SAMD5: variants seen among roughly 807,000 people sequenced by gnomAD.
SAMD5 encodes the protein sterile alpha motif domain-containing protein 5.
A neutral mutation model predicts 11.3 loss-of-function variants in SAMD5; 13 were observed. That is an observed-to-expected ratio of 1.15 (90% CI 0.75 to 1.83). The LOEUF is 1.83. Ranked by LOEUF, SAMD5 falls within the 40% of genes most tolerant of loss-of-function variation. SAMD5 has a pLI of 0.00. For synonymous variants in SAMD5, 129 were observed against 111.3 expected, an observed-to-expected ratio of 1.16 and a Z score of -1.00; for missense variants, 255 against 239.1, an observed-to-expected ratio of 1.07 and a Z score of -0.44.
intron 1 of SAMD5, among the ~76,000 whole-genome samples, chr6:147,702,023 T>G (rs568174087): frequency 6.6e-6 from 1 of 152,340 alleles, no homozygotes; most frequent in African/African-American, 2.4e-5. Flanking sequence ...AAGACATACC[T>G]GAAACTGGGT....
chr6:147,512,565 T>C (rs1788106533), intron 1 of SAMD5, among the ~76,000 whole-genome samples: 1 of 152,176 alleles, frequency 6.6e-6, no homozygotes, highest in African/African-American at 2.4e-5. Context: ...AATTTTCTTT[T>C]GTTTTCCAAA....
rs79655985 is a variant in SAMD5, at chr6:147,554,662, G to T, written c.460-9732G>T. Among the ~76,000 whole-genome samples, 1,158 of 152,272 alleles carry T rather than the reference G, an allele frequency of 7.6e-3. 35 individuals carry two copies. The highest frequency in any genetic ancestry group is 0.052 in the East Asian group (268 of 5,168). On this transcript the variant is annotated intron_variant, in intron 1 of 1. Transcript: ENST00000367474. ...AGAGAAAAGTCACCTCACCTTAATG[G>T]CAGGAAGGTTCCAGACTTCCCAGTT...
chr6:147,951,416 G>T, the SAMD5 span, among the ~76,000 whole-genome samples: 1 of 151,948 alleles, frequency 6.6e-6, no homozygotes, highest in Admixed American at 6.6e-5. Context: ...TCCTGGCCTC[G>T]TGATCCACCC....
the SAMD5 span, among the ~76,000 whole-genome samples, chr6:147,835,237 A>AT: frequency 6.6e-6 from 1 of 150,760 alleles, no homozygotes; most frequent in African/African-American, 2.5e-5. Flanking sequence ...CATCTTAAAA[A>AT]AAAAAAAAAC....
the SAMD5 span, among the ~76,000 whole-genome samples, chr6:147,888,634 G>A: frequency 7.9e-5 from 12 of 152,140 alleles, 1 homozygote; most frequent in African/African-American, 2.4e-4. Context: ...TGTAATCCTA[G>A]CAGCTTGGGA....
the SAMD5 span, among the ~76,000 whole-genome samples, chr6:147,852,464 A>T: frequency 1.3e-5 from 2 of 152,056 alleles, no homozygotes; most frequent in African/African-American, 2.4e-5. Flanking sequence ...CATGTGTTTG[A>T]TTTTTTCAGT....
intron 1 of SAMD5, among the ~76,000 whole-genome samples, chr6:147,662,387 AACTC>A (rs2128454557): frequency 6.6e-6 from 1 of 152,340 alleles, no homozygotes; most frequent in South Asian, 2.1e-4. Context: ...TAAATTTGTA[AACTC>A]ACTCTGGTTT....
the SAMD5 span, among the ~76,000 whole-genome samples, chr6:147,905,502 A>ATG: frequency 1.3e-5 from 2 of 152,204 alleles, no homozygotes; most frequent in Admixed American, 1.3e-4. Context: ...TTTATTCCAA[A>ATG]TGTTTAGAAA....
At chr6:147,577,032 C>G (rs138984691) in intron 1 of SAMD5, among the ~76,000 whole-genome samples, 1 of 152,304 alleles carries the variant, frequency 6.6e-6, no homozygotes, top group African/African-American at 2.4e-5. Flanking sequence ...GATTGATAAT[C>G]CTCATTTTTT....
At chr6:147,806,940 G>A in the SAMD5 span, among the ~76,000 whole-genome samples, 11 of 152,084 alleles carry the variant, frequency 7.2e-5, no homozygotes, top group African/African-American at 2.7e-4. Flanking sequence ...ACCATGAGAG[G>A]ACACAGTGAG....
intron 1 of SAMD5, among the ~76,000 whole-genome samples, chr6:147,532,888 G>T (rs1042844197): frequency 2.0e-5 from 3 of 152,294 alleles, no homozygotes; most frequent in Non-Finnish European, 4.4e-5. Flanking sequence ...AGAGCCAGTT[G>T]TTAAACATTT....
At chr6:147,805,908 T>C in the SAMD5 span, among the ~76,000 whole-genome samples, 2 of 152,116 alleles carry the variant, frequency 1.3e-5, no homozygotes, top group Non-Finnish European at 2.9e-5. Flanking sequence ...GTTCTGAAAT[T>C]TGCAAGGAAA....
intron 1 of SAMD5, among the ~76,000 whole-genome samples, chr6:147,651,331 C>T (rs1790480628): frequency 6.6e-6 from 1 of 152,198 alleles, no homozygotes; most frequent in Non-Finnish European, 1.5e-5. Flanking sequence ...GCCACTGTAA[C>T]TTTCTCCATT....
At chr6:147,576,531 G>A (rs1789220072) in intron 1 of SAMD5, among the ~76,000 whole-genome samples, 1 of 152,058 alleles carries the variant, frequency 6.6e-6, no homozygotes, top group African/African-American at 2.4e-5. Context: ...AAGGGGGTGG[G>A]GCTTTGGGAC....
At chr6:147,941,853 GTTT>G in the SAMD5 span, among the ~76,000 whole-genome samples, 1 of 49,446 alleles carries the variant, frequency 2.0e-5, no homozygotes, top group Non-Finnish European at 4.0e-5. Flanking sequence ...TGTGAAGTTG[GTTT>G]GTTTGTTTGT....
intron 1 of SAMD5, among the ~76,000 whole-genome samples, chr6:147,561,280 C>T (rs1027432089): frequency 2.6e-5 from 4 of 152,156 alleles, no homozygotes; most frequent in Admixed American, 6.5e-5. Context: ...CTCCAGCTCC[C>T]GGATTCAAGC....
At chr6:147,630,511 C>T (rs1790133232) in intron 1 of SAMD5, among the ~76,000 whole-genome samples, 2 of 152,144 alleles carry the variant, frequency 1.3e-5, no homozygotes, top group Admixed American at 6.5e-5. Context: ...TCTCCTGGCT[C>T]ATCCTGACTC....
intron 1 of SAMD5, among the ~76,000 whole-genome samples, chr6:147,576,361 G>A (rs905498143): frequency 7.2e-5 from 11 of 152,152 alleles, no homozygotes; most frequent in East Asian, 1.9e-4. Flanking sequence ...GGCTGGTCTC[G>A]AACTCCTGAC....
chr6:147,846,773 T>A, the SAMD5 span, among the ~76,000 whole-genome samples: 1 of 152,148 alleles, frequency 6.6e-6, no homozygotes, highest in African/African-American at 2.4e-5. Flanking sequence ...CACGCTGAGA[T>A]CGTGTCACTG....
Sources: allele counts gnomAD v4.1 joint callset (sites outside exome capture counted in the v4.1 genomes callset), GRCh38; gene constraint gnomAD v4.1.1; transcripts MANE v1.5; gene names NCBI Gene and HGNC (gene_info 2026-07-23, HGNC 2026-07-21).